TRPS1: variants seen among roughly 807,000 people sequenced by gnomAD.
TRPS1 encodes the protein zinc finger transcription factor Trps1.
A neutral mutation model predicts 101.2 loss-of-function variants in TRPS1; 6 were observed. The observed-to-expected ratio is 0.06, with a 90% CI of 0.03 to 0.12. The LOEUF (loss-of-function observed/expected upper bound fraction) is 0.12. Ranked by LOEUF, TRPS1 falls within the 10% of genes least tolerant of loss-of-function variation. The pLI is 1.00. For missense variants in TRPS1, 1,363 were observed against 1,567.0 expected (o/e 0.87, Z 2.20); for synonymous variants, 578 against 589.8 (o/e 0.98, Z 0.29).
intron 5 of TRPS1, among the ~76,000 whole-genome samples, chr8:115,548,870 AC>A (rs1816639875): frequency 6.6e-6 from 1 of 152,186 alleles, no homozygotes. Flanking sequence ...CTGATTGCTA[AC>A]AATTAAAATC....
intron 5 of TRPS1, among the ~76,000 whole-genome samples, chr8:115,506,653 T>G (rs1815452089): frequency 6.6e-6 from 1 of 152,134 alleles, no homozygotes; most frequent in African/African-American, 2.4e-5. Flanking sequence ...TGAGTCTGTA[T>G]CTTTAAAACT....
At chr8:115,543,175 CTGT>C (rs1286078307) in intron 5 of TRPS1, among the ~76,000 whole-genome samples, 1 of 152,134 alleles carries the variant, frequency 6.6e-6, no homozygotes, top group African/African-American at 2.4e-5. Context: ...AGTGGGCTCG[CTGT>C]TGTTATCCTC....
chr8:115,506,278 A>G (rs2130167571), intron 5 of TRPS1, among the ~76,000 whole-genome samples: 1 of 152,168 alleles, frequency 6.6e-6, no homozygotes, highest in South Asian at 2.1e-4. Context: ...GTGACTTTTC[A>G]TATACTGGTT....
At chr8:115,475,187 T>C (rs1188087307) in intron 5 of TRPS1, among the ~76,000 whole-genome samples, 2 of 148,584 alleles carry the variant, frequency 1.3e-5, no homozygotes, top group Non-Finnish European at 3.0e-5. Flanking sequence ...AGTTATGTAC[T>C]GGTTATAAAG....
chr8:115,586,079 T>C (rs1452337940), intron 5 of TRPS1, among the ~76,000 whole-genome samples: 5 of 152,198 alleles, frequency 3.3e-5, no homozygotes, highest in Non-Finnish European at 2.9e-5. Flanking sequence ...GGAACTCTAT[T>C]TCCCAACTGG....
chr8:115,423,751 G>A (rs1004857105), intron 5 of TRPS1, among the ~76,000 whole-genome samples: 4 of 152,154 alleles, frequency 2.6e-5, no homozygotes, highest in African/African-American at 7.2e-5. Flanking sequence ...TCTTCAGTCA[G>A]CTATATAACA....
At chr8:115,528,646 T>C (rs1197079629) in intron 5 of TRPS1, among the ~76,000 whole-genome samples, 1 of 152,034 alleles carries the variant, frequency 6.6e-6, no homozygotes, top group Non-Finnish European at 1.5e-5. Context: ...TAAATGATAA[T>C]TGAAAAACAA....
intron 2 of TRPS1, among the ~76,000 whole-genome samples, chr8:115,623,308 A>T (rs997410710): frequency 2.0e-5 from 3 of 151,910 alleles, no homozygotes; most frequent in Non-Finnish European, 4.4e-5. Context: ...GCTGTTTTTT[A>T]AAAAAATGTG....
At chr8:115,655,620 T>C (rs1053175014) in intron 1 of TRPS1, among the ~76,000 whole-genome samples, 2 of 152,194 alleles carry the variant, frequency 1.3e-5, no homozygotes, top group Non-Finnish European at 2.9e-5. Context: ...TTAATATATA[T>C]GTACATGATC....
In TRPS1 at chr8:115,622,936, T is replaced by C. The variant is rs373053036; in HGVS notation, c.37+665A>G. On this transcript the variant is annotated intron_variant, in intron 2 of 6. Transcript: ENST00000395715. ...ATACTTAAAAGTGAATAGATCTAAA[T>C]ACATTAGTATTTTAAAAATTAACTT... Among the ~76,000 whole-genome samples, 209 of 152,216 alleles carry C rather than the reference T, an allele frequency of 1.4e-3. 5 individuals carry two copies. Among genetic ancestry groups the C allele is most frequent in the African/African-American group, 4.7e-3 (194 of 41,552 alleles).
intron 5 of TRPS1, among the ~76,000 whole-genome samples, chr8:115,577,788 G>C (rs1024983274): frequency 6.6e-6 from 1 of 152,070 alleles, no homozygotes; most frequent in East Asian, 1.9e-4. Flanking sequence ...ATAATTAAAT[G>C]CCATCTTTTA....
At chr8:115,416,024 TTAA>T (rs1188010699) in intron 6 of TRPS1, among the ~76,000 whole-genome samples, 2 of 152,122 alleles carry the variant, frequency 1.3e-5, no homozygotes, top group African/African-American at 4.8e-5. Flanking sequence ...TTCTCTCTCA[TTAA>T]TAATATTTTA....
intron 5 of TRPS1, among the ~76,000 whole-genome samples, chr8:115,577,454 A>G (rs1316335618): frequency 6.6e-6 from 1 of 152,142 alleles, no homozygotes; most frequent in Non-Finnish European, 1.5e-5. Flanking sequence ...TCAAATTTTC[A>G]TAAAAAATAA....
intron 5 of TRPS1, among the ~76,000 whole-genome samples, chr8:115,470,761 C>A (rs574177691): frequency 1.3e-5 from 2 of 152,154 alleles, no homozygotes; most frequent in South Asian, 4.2e-4. Flanking sequence ...ACTAACATAT[C>A]AATGATTCAT....
chr8:115,498,399 CTCTCTCTCTCTCTCTCTATATA>C (rs1343744592), intron 5 of TRPS1, among the ~76,000 whole-genome samples: 16 of 83,252 alleles, frequency 1.9e-4, no homozygotes, highest in African/African-American at 7.9e-4. Context: ...CTCTCTCTCT[CTCTCTCTCTCTCTCTCTATATA>C]TATATATATA....
rs1030293690 is a variant in TRPS1 at position 115,631,041 on chromosome 8, A to G, written c.-121-7283T>C. Among the ~76,000 whole-genome samples the G allele has an allele frequency of 2.9e-4, 44 of 152,082 alleles. 1 individual carries two copies. Among genetic ancestry groups the G allele is most frequent in the African/African-American group, 1.0e-3 (42 of 41,424 alleles). On this transcript the variant is annotated intron_variant, in intron 1 of 6. Transcript: ENST00000395715. ...AATCTTCCCAATATTCTCACAGAGT[A>G]CCAGATTATCCTAACTTTCGAATCT...
intron 1 of TRPS1, among the ~76,000 whole-genome samples, chr8:115,623,963 C>T (rs867067364): frequency 8.5e-5 from 13 of 152,118 alleles, no homozygotes; most frequent in African/African-American, 2.9e-4. Flanking sequence ...TAAAAGGTTA[C>T]AGGACATAAG....
intron 5 of TRPS1, among the ~76,000 whole-genome samples, chr8:115,538,546 T>C (rs1445767445): frequency 1.3e-5 from 2 of 151,404 alleles, no homozygotes; most frequent in African/African-American, 2.4e-5. Flanking sequence ...TGACTATGAG[T>C]AATTTCTGAG....
chr8:115,420,950 A>G (rs1038309197), intron 5 of TRPS1, among the ~76,000 whole-genome samples: 4 of 151,984 alleles, frequency 2.6e-5, no homozygotes, highest in Non-Finnish European at 5.9e-5. Context: ...TTCAATGCTT[A>G]AAGTTCTCTG....
Sources: allele counts gnomAD v4.1 joint callset (sites outside exome capture counted in the v4.1 genomes callset), GRCh38; gene constraint gnomAD v4.1.1; transcripts MANE v1.5; gene names NCBI Gene and HGNC (gene_info 2026-07-23, HGNC 2026-07-21).